The following THSD7B variants were observed in gnomAD, a reference collection of about 807,000 sequenced individuals.
THSD7B encodes thrombospondin type 1 domain containing 7B.
A neutral mutation model predicts 213.6 loss-of-function variants in THSD7B; 138 were observed. The observed-to-expected ratio is 0.65, with a 90% confidence interval of 0.56 to 0.74. The LOEUF (loss-of-function observed/expected upper bound fraction) is 0.74, where lower values mean the gene tolerates loss of function less well. Among genes scored for constraint, THSD7B ranks in the 30% least tolerant of loss-of-function variants. The probability of loss-of-function intolerance (pLI) is 0.00; values close to 1 mark genes in which losing one functional copy is unlikely to be tolerated. For synonymous variants in THSD7B, 742 were observed against 687.0 expected, an observed-to-expected ratio of 1.08 and a Z score of -1.25; for missense variants, 1,931 against 1,991.5, an observed-to-expected ratio of 0.97 and a Z score of 0.58.
chr2:136,900,818 A>G (rs1010718605), intron 2 of THSD7B, among the ~76,000 whole-genome samples: 1 of 152,228 alleles, frequency 6.6e-6, no homozygotes, highest in Non-Finnish European at 1.5e-5. Context: ...GATGAAAGAA[A>G]GATAAGGGTG....
rs565281925 is a variant in THSD7B, at chr2:137,038,950, A to G, written c.140-17470A>G. 1.1e-4 allele frequency among the ~76,000 whole-genome samples: 17 copies of G among 152,304 alleles called. No individual in the cohort carries two copies. In the East Asian group the frequency reaches 2.9e-3, roughly 26 times the overall value. ...AGTCTAGAGGTTTTTTTTCTAGAAAAGGGACTGAGCAAGATAAAGTGGAAT... is the reference window on the plus strand; with the variant it reads ...AGTCTAGAGGTTTTTTTTCTAGAAAGGGGACTGAGCAAGATAAAGTGGAAT... On this transcript the variant is annotated intron_variant, in intron 2 of 27. Transcript: ENST00000409968.
intron 15 of THSD7B, among the ~76,000 whole-genome samples, chr2:137,513,134 G>A (rs75923361): frequency 0.038 from 5,722 of 152,154 alleles, 175 homozygotes; most frequent in Admixed American, 0.083. Context: ...CCTTTGGGGC[G>A]TATTTGTCAC....
Position 137,411,871 on chromosome 2 carries a change from T to A in THSD7B, c.2958T>A (p.Ser986=). 1 of 1,613,932 alleles carries A rather than the reference T, an allele frequency of 6.2e-7. No homozygotes were observed. The highest frequency in any genetic ancestry group is 8.5e-7 in the Non-Finnish European group (1 of 1,179,826). ...RPVDPSFCSS[S]GYIQEKCVIP... is the part of the protein sequence containing the mutation. ...TTGACCCCTCCTTCTGCAGCAGCTC[T>A]GGTAAGGAGATGGATGGAGAGTAAC... Residue 986 remains serine (S), a splice_region_variant and synonymous_variant, in exon 14 of 28, where the codon TCT becomes TCA. Coordinates refer to ENST00000409968, the MANE Select transcript of THSD7B (RefSeq NM_001316349.2).
At chr2:137,085,759 G>A (rs1254805676) in intron 3 of THSD7B, among the ~76,000 whole-genome samples, 10 of 152,024 alleles carry the variant, frequency 6.6e-5, no homozygotes, top group Admixed American at 6.6e-4. Context: ...GAAAAAATAT[G>A]CGAGCATAGA....
At chr2:137,118,162 G>A (rs1688478602) in intron 5 of THSD7B, among the ~76,000 whole-genome samples, 1 of 152,170 alleles carries the variant, frequency 6.6e-6, no homozygotes, top group Admixed American at 6.5e-5. Flanking sequence ...TTGTTTTAAA[G>A]AGAATAGTGT....
At chr2:137,610,431 T>A in intron 17 of THSD7B, among the ~76,000 whole-genome samples, 1 of 152,120 alleles carries the variant, frequency 6.6e-6, no homozygotes, top group Non-Finnish European at 1.5e-5. Flanking sequence ...ATATAGTTAG[T>A]GGAATGCTTT....
At position 137,616,392 on chromosome 2, in the gene THSD7B, T is replaced by C. The variant is rs1682387619; in HGVS notation, c.3565+76T>C. On this transcript the variant is annotated intron_variant, in intron 18 of 27. Coordinates refer to ENST00000409968, the MANE Select transcript of THSD7B (RefSeq NM_001316349.2). ...AGAGAATTTTTGCGTGGGTTTTCAT[T>C]CTCAAGATTAAGAATGGAGAGTAGA... 3 of 1,348,158 alleles carry C rather than the reference T, an allele frequency of 2.2e-6. No individual in the cohort carries two copies. The Admixed American group carries it at 5.6e-5, about 25-fold the overall frequency. The allele number at this position is 1,348,158 out of a possible 1,614,324, so 83.5% of individuals were successfully genotyped here. A position where few individuals can be genotyped will look rare whatever the true frequency, so the allele number is the denominator to read the frequency against.
At chr2:137,074,282 A>C (rs1249691388) in intron 3 of THSD7B, among the ~76,000 whole-genome samples, 1 of 152,100 alleles carries the variant, frequency 6.6e-6, no homozygotes, top group Non-Finnish European at 1.5e-5. Flanking sequence ...TATTGGGTGC[A>C]TATATATTTA....
intron 7 of THSD7B, among the ~76,000 whole-genome samples, chr2:137,196,943 C>T (rs1680777731): frequency 6.6e-6 from 1 of 152,180 alleles, no homozygotes. Flanking sequence ...GCGGGCTCCT[C>T]CTGTTACGAT....
chr2:137,405,886 G>A, intron 13 of THSD7B, 79 bp downstream of exon 13: 3 of 1,333,026 alleles, frequency 2.3e-6, no homozygotes, highest in East Asian at 2.6e-5. Flanking sequence ...GAGGTCCAAA[G>A]GACAGGAATT....
intron 1 of THSD7B, among the ~76,000 whole-genome samples, chr2:136,837,434 C>A (rs1682862013): frequency 6.6e-6 from 1 of 152,206 alleles, no homozygotes; most frequent in Admixed American, 6.5e-5. Context: ...ATGACATATT[C>A]CCCCTCCTCA....
intron 17 of THSD7B, among the ~76,000 whole-genome samples, chr2:137,610,638 C>T (rs2104832591): frequency 6.6e-6 from 1 of 152,254 alleles, no homozygotes; most frequent in African/African-American, 2.4e-5. Context: ...TTTGCTTCTT[C>T]TCTAGTTAAG....
intron 15 of THSD7B, chr2:137,538,411 A>G: frequency 2.1e-6 from 1 of 478,360 alleles, no homozygotes; most frequent in Non-Finnish European, 4.1e-6. Flanking sequence ...TTGCATTATA[A>G]TAGCAGTTCC....
At chr2:137,362,172 C>A (rs1031167555) in intron 12 of THSD7B, among the ~76,000 whole-genome samples, 3 of 152,134 alleles carry the variant, frequency 2.0e-5, no homozygotes, top group Admixed American at 2.0e-4. Context: ...CCTTTACAGA[C>A]AAGCAAATGC....
At chr2:136,934,710 A>G (rs1381371964) in intron 2 of THSD7B, among the ~76,000 whole-genome samples, 1 of 152,186 alleles carries the variant, frequency 6.6e-6, no homozygotes, top group East Asian at 1.9e-4. Context: ...AAAAGAAGAA[A>G]TTATTGGCCA....
chr2:137,348,178 T>C (rs1684920683), intron 12 of THSD7B, among the ~76,000 whole-genome samples: 1 of 151,720 alleles, frequency 6.6e-6, no homozygotes, highest in South Asian at 2.1e-4. Context: ...GAATATCCAA[T>C]TGATGTAGAC....
intron 15 of THSD7B, among the ~76,000 whole-genome samples, chr2:137,552,794 A>C (rs1489250684): frequency 6.6e-6 from 1 of 152,258 alleles, no homozygotes; most frequent in Non-Finnish European, 1.5e-5. Flanking sequence ...GGAGGAAAGC[A>C]TAACTTAGTT....
chr2:137,056,290 G>C, intron 2 of THSD7B, 130 bp from the exon 3 acceptor site: 1 of 853,260 alleles, frequency 1.2e-6, no homozygotes, highest in Non-Finnish European at 1.8e-6. Context: ...AAATTATGTT[G>C]TCTCTGTTCC....
chr2:136,925,300 G>T (rs1684504682), intron 2 of THSD7B, among the ~76,000 whole-genome samples: 1 of 152,086 alleles, frequency 6.6e-6, no homozygotes, highest in Non-Finnish European at 1.5e-5. Flanking sequence ...TATGTTATAG[G>T]CATGGACTTT....
Sources: gnomAD v4.1 joint callset for allele counts (sites outside exome capture counted in the v4.1 genomes callset) on GRCh38, gnomAD v4.1.1 for gene constraint, MANE v1.5 for transcripts, NCBI Gene and HGNC (gene_info 2026-07-23, HGNC 2026-07-21) for gene names.